The following RARB variants were observed in gnomAD, a reference collection of about 807,000 sequenced individuals.
RARB encodes retinoic acid receptor beta.
Under a neutral mutation model 51.9 loss-of-function variants are expected in RARB, and 17 were observed. That is an observed-to-expected ratio of 0.33 (90% CI 0.22 to 0.49). The LOEUF (loss-of-function observed/expected upper bound fraction) is 0.49, where lower values mean the gene tolerates loss of function less well. Ranked by LOEUF, RARB falls within the 20% of genes least tolerant of loss-of-function variation. The pLI is 0.99. For missense variants in RARB, 369 were observed against 550.8 expected (o/e 0.67, Z 3.30); for synonymous variants, 215 against 195.4 (o/e 1.10, Z -0.84).
rs941038288 is a variant in RARB, at chr3:25,262,470, C to T, written c.178+87895C>T. Among the ~76,000 whole-genome samples the T allele has an allele frequency of 4.6e-5, 7 of 152,272 alleles. No homozygotes were observed. In the East Asian group the frequency reaches 7.7e-4, roughly 17 times the overall value. On this transcript the variant is annotated intron_variant, in intron 5 of 11. Coordinates refer to the RARB transcript ENST00000383772. ...TCTAATATGGATCTCATTGGGCTAA[C>T]GTCAAAGCATCAGCAGGGCTCGTTC... is the stretch of plus-strand genomic sequence containing the variant.
At chr3:25,174,382 C>T (rs1218274082) in exon 5 of RARB, 1 of 1,351,678 alleles carries the variant, frequency 7.4e-7, no homozygotes, top group African/African-American at 1.5e-5. Context: ...ACCTTTCTTT[C>T]TGTGAGGCCC....
At chr3:24,834,248 T>TTTG (rs1339800880) in intron 1 of RARB, among the ~76,000 whole-genome samples, 1 of 152,236 alleles carries the variant, frequency 6.6e-6, no homozygotes, top group Admixed American at 6.5e-5. Flanking sequence ...CAGTACTATG[T>TTTG]TTGATTGTTA....
chr3:24,998,260 C>T (rs935937550), intron 2 of RARB, among the ~76,000 whole-genome samples: 2 of 145,276 alleles, frequency 1.4e-5, no homozygotes, highest in Admixed American at 7.1e-5. Flanking sequence ...GGTTCACGGC[C>T]TTTTGACTTG....
Position 25,408,235 on chromosome 3 carries a change from C to G in RARB, c.179-52958C>G, listed in dbSNP as rs372764825. 2.3e-4 allele frequency among the ~76,000 whole-genome samples: 35 copies of G among 152,268 alleles called. No homozygotes were observed. In the East Asian group the frequency reaches 6.2e-3, roughly 27 times the overall value. On this transcript the variant is annotated intron_variant, in intron 5 of 11. Coordinates refer to the RARB transcript ENST00000383772. ...GGCTATGTATTAATCCATTCTCACA[C>G]TGCTATAAAGAACTACCTGAGACTG... is the stretch of plus-strand genomic sequence containing the variant.
chr3:25,046,913 CACTGCTGTTTTGGCTCAGGA>C (rs1312230619), intron 2 of RARB, among the ~76,000 whole-genome samples: 1 of 152,100 alleles, frequency 6.6e-6, no homozygotes, highest in Non-Finnish European at 1.5e-5. Flanking sequence ...TGCACTCAGC[CACTGCTGTTTTGGCTCAGGA>C]ACACTTATTT....
chr3:25,330,257 C>A (rs1191330407), intron 5 of RARB, among the ~76,000 whole-genome samples: 1 of 152,006 alleles, frequency 6.6e-6, no homozygotes, highest in African/African-American at 2.4e-5. Flanking sequence ...TTAAGGGCAG[C>A]CAGAGAGAAA....
At chr3:25,411,049 A>G (rs1376865148) in intron 5 of RARB, among the ~76,000 whole-genome samples, 1 of 152,258 alleles carries the variant, frequency 6.6e-6, no homozygotes, top group Non-Finnish European at 1.5e-5. Context: ...TGTCCCTTAT[A>G]CAGTAAATAC....
intron 2 of RARB, among the ~76,000 whole-genome samples, chr3:25,047,286 T>A (rs1440166353): frequency 6.6e-6 from 1 of 152,210 alleles, no homozygotes; most frequent in Non-Finnish European, 1.5e-5. Context: ...TGAGTAATTA[T>A]GTAATTACAA....
At chr3:25,564,256 T>C (rs900482407) in intron 3 of RARB, among the ~76,000 whole-genome samples, 8 of 152,388 alleles carry the variant, frequency 5.2e-5, no homozygotes, top group African/African-American at 1.9e-4. Context: ...ATTTGCAATA[T>C]GATAGTGGAT....
chr3:25,475,221 A>T (rs1327441506), intron 2 of RARB, among the ~76,000 whole-genome samples: 1 of 152,040 alleles, frequency 6.6e-6, no homozygotes, highest in African/African-American at 2.4e-5. Context: ...TTGTTATTTG[A>T]TTATTTTTAT....
chr3:25,317,139 G>C (rs1448360037), intron 5 of RARB, among the ~76,000 whole-genome samples: 1 of 100,352 alleles, frequency 1.0e-5, no homozygotes, highest in African/African-American at 3.4e-5. Flanking sequence ...ATCATAGAAA[G>C]TATCTTATTA....
At chr3:25,404,753 C>T (rs915139111) in intron 5 of RARB, among the ~76,000 whole-genome samples, 1 of 152,174 alleles carries the variant, frequency 6.6e-6, no homozygotes, top group Admixed American at 6.5e-5. Flanking sequence ...TAGTTAGACT[C>T]ACATTGCAGC....
In RARB at chr3:25,597,198, T is replaced by C. The variant is rs1347488953; in HGVS notation, c.*582T>C. On this transcript the variant is annotated 3_prime_UTR_variant, in exon 8 of 8. Coordinates refer to ENST00000330688, the MANE Select transcript of RARB (RefSeq NM_000965.5). ...TGAAGATATTCTACTTTAGTTAGTA[T>C]GGAAGCTTGTCTTTGCTCTTTCTGA... 1.3e-5 allele frequency: 2 copies of C among 152,690 alleles called. No individual in the cohort carries two copies. Among genetic ancestry groups the C allele is most frequent in the African/African-American group, 4.8e-5 (2 of 41,470 alleles). 9.5% of individuals were successfully genotyped at this position (152,690 alleles called of 1,614,324 possible).
chr3:25,337,443 G>C, intron 5 of RARB, among the ~76,000 whole-genome samples: 1 of 152,090 alleles, frequency 6.6e-6, no homozygotes, highest in Admixed American at 6.6e-5. Flanking sequence ...ATCTTACAGG[G>C]CTTTACCAAT....
At position 25,081,586 on chromosome 3, in the gene RARB, CATATATAT is replaced by C. The variant is rs1161956011; in HGVS notation, c.-328+21439_-328+21446del. Reference sequence around the variant, plus strand: ...CTTTTGCTAGTGTTTGCTTCATATACATATATATATATATATATATATATATATATATA... The same window carrying C: ...CTTTTGCTAGTGTTTGCTTCATATACATATATATATATATATATATATATA... On this transcript the variant is annotated intron_variant, in intron 3 of 11. Transcript: ENST00000383772. Among the ~76,000 whole-genome samples the C allele has an allele frequency of 2.4e-3, 48 of 19,636 alleles. 2 individuals carry two copies. Among genetic ancestry groups the C allele is most frequent in the African/African-American group, 7.8e-3 (37 of 4,756 alleles). The allele number at this position is 19,636 out of a possible 152,430, so 12.9% of individuals were successfully genotyped here.
At chr3:25,513,361 AG>A (rs1225273591) in intron 3 of RARB, among the ~76,000 whole-genome samples, 1 of 152,056 alleles carries the variant, frequency 6.6e-6, no homozygotes, top group Non-Finnish European at 1.5e-5. Context: ...AAGAAAGAAA[AG>A]GGTACCTAAG....
At chr3:25,242,154 G>A (rs909359346) in intron 5 of RARB, among the ~76,000 whole-genome samples, 2 of 150,616 alleles carry the variant, frequency 1.3e-5, no homozygotes, top group African/African-American at 4.9e-5. Context: ...TTTCAATGAG[G>A]TTTTTTTTTC....
chr3:25,402,430 T>C (rs1402904882), intron 5 of RARB, among the ~76,000 whole-genome samples: 1 of 152,198 alleles, frequency 6.6e-6, no homozygotes, highest in East Asian at 1.9e-4. Flanking sequence ...AGCTACCATG[T>C]GATCTAGCAA....
intron 2 of RARB, among the ~76,000 whole-genome samples, chr3:24,967,105 C>T (rs1370229676): frequency 6.6e-6 from 1 of 152,032 alleles, no homozygotes; most frequent in African/African-American, 2.4e-5. Flanking sequence ...GAGAAATTTC[C>T]ATATTATCTT....
Sources: gnomAD v4.1 joint callset for allele counts (sites outside exome capture counted in the v4.1 genomes callset) on GRCh38, gnomAD v4.1.1 for gene constraint, MANE v1.5 for transcripts, NCBI Gene and HGNC (gene_info 2026-07-23, HGNC 2026-07-21) for gene names.